The following AGBL1 variants were observed in gnomAD, a reference collection of about 807,000 sequenced individuals.
AGBL1 encodes the protein cytosolic carboxypeptidase 4.
Under a neutral mutation model 118.9 loss-of-function variants are expected in AGBL1, and 130 were observed. The ratio of observed to expected loss-of-function variants is 1.09; its 90% confidence interval spans 0.95 to 1.26. The LOEUF (loss-of-function observed/expected upper bound fraction) is 1.26, where lower values mean the gene tolerates loss of function less well. Ranked by LOEUF, AGBL1 falls within the 50% of genes most tolerant of loss-of-function variation. The pLI is 0.00. For missense variants in AGBL1, 1,584 were observed against 1,298.1 expected (o/e 1.22, Z -3.38); for synonymous variants, 555 against 478.9 (o/e 1.16, Z -2.08).
chr15:86,535,177 A>G (rs2083408373), intron 19 of AGBL1, among the ~76,000 whole-genome samples: 2 of 152,246 alleles, frequency 1.3e-5, no homozygotes, highest in South Asian at 2.1e-4. Context: ...GAAAGGTTGT[A>G]GAAGAAGGTC....
intron 17 of AGBL1, among the ~76,000 whole-genome samples, chr15:86,302,303 A>G (rs763108852): frequency 6.6e-6 from 1 of 152,188 alleles, no homozygotes. Flanking sequence ...TATCTTATGA[A>G]TTAAGAAAGA....
chr15:86,271,294 C>T (rs1279363445), intron 14 of AGBL1, among the ~76,000 whole-genome samples: 3 of 151,722 alleles, frequency 2.0e-5, no homozygotes, highest in African/African-American at 7.3e-5. Context: ...GATCTCCTGA[C>T]CTTGTGATCT....
chr15:86,476,187 A>G (rs1022680368), intron 18 of AGBL1, among the ~76,000 whole-genome samples: 3 of 152,202 alleles, frequency 2.0e-5, no homozygotes, highest in Admixed American at 1.3e-4. Context: ...GAGCAAAATA[A>G]CCAGCTAACA....
At chr15:86,721,290 G>T (rs1474728366) in intron 22 of AGBL1, among the ~76,000 whole-genome samples, 2 of 152,148 alleles carry the variant, frequency 1.3e-5, no homozygotes, top group African/African-American at 4.8e-5. Context: ...ACATCAAAAA[G>T]CTAATCCACC....
intron 18 of AGBL1, among the ~76,000 whole-genome samples, chr15:86,474,964 G>C (rs1165146383): frequency 4.6e-5 from 7 of 152,192 alleles, no homozygotes; most frequent in African/African-American, 9.7e-5. Flanking sequence ...CAGGCAAAAG[G>C]GTCTGGAGTG....
chr15:86,192,629 T>C (rs2077741111), intron 5 of AGBL1, among the ~76,000 whole-genome samples: 1 of 152,210 alleles, frequency 6.6e-6, no homozygotes, highest in Non-Finnish European at 1.5e-5. Context: ...TAAACATTTA[T>C]ATGCATGGGT....
intron 19 of AGBL1, among the ~76,000 whole-genome samples, chr15:86,525,976 A>G (rs2083257140): frequency 6.6e-6 from 1 of 152,156 alleles, no homozygotes. Flanking sequence ...CTGATAAAAG[A>G]CTAATATCCA....
rs369897275 is a variant in AGBL1 at position 86,879,937 on chromosome 15, T to C, written c.3159-27150T>C. 7.9e-5 allele frequency among the ~76,000 whole-genome samples: 12 copies of C among 152,032 alleles called. No homozygotes were observed. In the East Asian group the frequency reaches 2.3e-3, roughly 30 times the overall value. The stretch of plus-strand genomic sequence containing the variant: ...AAACTTCAGTTTCCTTGGGCAAAAA[T>C]CTGGGAGTTCTGGTAACGGAAAGCA... On this transcript the variant is annotated intron_variant, in intron 22 of 22. Transcript: ENST00000614907.
At chr15:86,108,000 A>G (rs924231962) in intron 1 of AGBL1, among the ~76,000 whole-genome samples, 1 of 152,244 alleles carries the variant, frequency 6.6e-6, no homozygotes, top group African/African-American at 2.4e-5. Flanking sequence ...GCCCAGATGG[A>G]TGTCATGCTA....
chr15:86,991,134 C>G (rs569105381), intron 24 of AGBL1, among the ~76,000 whole-genome samples: 72 of 152,306 alleles, frequency 4.7e-4, no homozygotes, highest in African/African-American at 1.5e-3. Context: ...AGTAGAGTGT[C>G]TAGGATTCTC....
intron 17 of AGBL1, among the ~76,000 whole-genome samples, chr15:86,304,449 A>G (rs867039736): frequency 4.6e-5 from 7 of 152,122 alleles, no homozygotes; most frequent in African/African-American, 1.7e-4. Context: ...TTATCACATG[A>G]CCTTGCTACT....
intron 18 of AGBL1, among the ~76,000 whole-genome samples, chr15:86,401,310 T>TC (rs1017979852): frequency 1.3e-5 from 2 of 152,194 alleles, no homozygotes; most frequent in Non-Finnish European, 2.9e-5. Flanking sequence ...GATTTTTTTT[T>TC]CTTGCTAATT....
intron 22 of AGBL1, among the ~76,000 whole-genome samples, chr15:86,826,632 C>G (rs186079113): frequency 7.0e-4 from 106 of 152,152 alleles, no homozygotes; most frequent in African/African-American, 2.5e-3. Flanking sequence ...ATTTGCATTT[C>G]TAAAACGCTC....
intron 17 of AGBL1, among the ~76,000 whole-genome samples, chr15:86,361,606 ACTT>A (rs2080806607): frequency 6.6e-6 from 1 of 151,982 alleles, no homozygotes; most frequent in Non-Finnish European, 1.5e-5. Context: ...GTCAATGTTC[ACTT>A]TATATATTTA....
intron 22 of AGBL1, among the ~76,000 whole-genome samples, chr15:86,704,526 C>G (rs2086414706): frequency 6.6e-6 from 1 of 152,072 alleles, no homozygotes; most frequent in African/African-American, 2.4e-5. Context: ...ACAAACATAT[C>G]AAAAGAAGTT....
At chr15:86,881,680 G>C (rs2079893461) in intron 22 of AGBL1, among the ~76,000 whole-genome samples, 1 of 152,120 alleles carries the variant, frequency 6.6e-6, no homozygotes, top group Admixed American at 6.5e-5. Context: ...TGTCACGCAG[G>C]CTGGAGTGCA....
chr15:86,357,450 A>C (rs2080739119), intron 17 of AGBL1, among the ~76,000 whole-genome samples: 1 of 152,206 alleles, frequency 6.6e-6, no homozygotes, highest in Admixed American at 6.5e-5. Flanking sequence ...TGTTTCTATC[A>C]AAATTAAAAT....
At chr15:87,025,484 T>C (rs1433894529) in intron 24 of AGBL1, among the ~76,000 whole-genome samples, 2 of 151,960 alleles carry the variant, frequency 1.3e-5, no homozygotes, top group Non-Finnish European at 2.9e-5. Context: ...AAAACATTGC[T>C]GAAATAAATC....
chr15:86,894,344 C>A (rs972492055), intron 22 of AGBL1, among the ~76,000 whole-genome samples: 8 of 152,108 alleles, frequency 5.3e-5, no homozygotes, highest in Middle Eastern at 3.2e-3. Flanking sequence ...ATAGCTAACA[C>A]CCTACTATTG....
Sources: allele counts gnomAD v4.1 joint callset (sites outside exome capture counted in the v4.1 genomes callset), GRCh38; gene constraint gnomAD v4.1.1; transcripts MANE v1.5; gene names NCBI Gene and HGNC (gene_info 2026-07-23, HGNC 2026-07-21).